GTF2H2: variants seen among roughly 807,000 people sequenced by gnomAD.
GTF2H2 encodes the protein general transcription factor IIH subunit 2.
In GTF2H2, 2 loss-of-function variants were observed where a neutral mutation model predicts 16.5. That is an observed-to-expected ratio of 0.12 (90% confidence interval 0.05 to 0.38). The LOEUF (loss-of-function observed/expected upper bound fraction) is 0.38. Among genes scored for constraint, GTF2H2 ranks in the 10% least tolerant of loss-of-function variants. GTF2H2 has a pLI of 0.99. For synonymous variants in GTF2H2, 8 were observed against 44.1 expected, an observed-to-expected ratio of 0.18 and a Z score of 3.24; for missense variants, 20 against 137.0, an observed-to-expected ratio of 0.15 and a Z score of 4.26.
At chr5:71,045,154 AT>A in intron 12 of GTF2H2, among the ~76,000 whole-genome samples, 1 of 96,694 alleles carries the variant, frequency 1.0e-5, no homozygotes, top group African/African-American at 5.0e-5. Flanking sequence ...AAAAAAAAAA[AT>A]TTCCCCCTCC....
intron 8 of GTF2H2, chr5:71,055,146 T>C (rs1408179033): frequency 2.4e-6 from 1 of 415,348 alleles, no homozygotes; most frequent in South Asian, 6.3e-5. Flanking sequence ...ATTATATTTT[T>C]ATAAAACCTT....
intron 1 of GTF2H2, among the ~76,000 whole-genome samples, chr5:71,063,343 T>C (rs1445250025): frequency 4.6e-4 from 27 of 59,142 alleles, no homozygotes; most frequent in African/African-American, 2.9e-3. Context: ...CTACCAACAG[T>C]GGATAAGCAT....
chr5:71,054,743 GTGTGTGTGTA>G lies in GTF2H2; in HGVS notation c.470+599_470+608del, dbSNP rs1255951158. Among the ~76,000 whole-genome samples, 25 of 133,136 alleles carry G rather than the reference GTGTGTGTGTA, an allele frequency of 1.9e-4. 2 individuals carry two copies. Among genetic ancestry groups the G allele is most frequent in the East Asian group, 4.0e-4 (2 of 4,966 alleles). 87.3% of individuals were successfully genotyped at this position (133,136 alleles called of 152,430 possible). On this transcript the variant is annotated intron_variant, in intron 8 of 15. Transcript: ENST00000274400. ...TGTGTGTGTGTGTGTGTGTGTGTGT[GTGTGTGTGTA>G]TATATATAATAGATATATAAGCTTT...
chr5:71,038,339 A>G (rs1751865680), intron 14 of GTF2H2, among the ~76,000 whole-genome samples: 1 of 67,530 alleles, frequency 1.5e-5, no homozygotes, highest in Middle Eastern at 5.2e-3. Context: ...CAATCCTCCT[A>G]TCTTGGCTTC....
At chr5:71,053,939 G>A (rs1752973449) in intron 8 of GTF2H2, among the ~76,000 whole-genome samples, 1 of 126,276 alleles carries the variant, frequency 7.9e-6, no homozygotes, top group South Asian at 2.5e-4. Context: ...CACGTCCTGG[G>A]CAGGACAGAG....
intron 8 of GTF2H2, among the ~76,000 whole-genome samples, chr5:71,054,814 TTATATA>T (rs1170356408): frequency 7.4e-6 from 1 of 134,254 alleles, no homozygotes; most frequent in Admixed American, 7.6e-5. Context: ...TATATAAGCT[TTATATA>T]TATATGTATA....
chr5:71,045,895 A>G (rs530430548), intron 11 of GTF2H2, among the ~76,000 whole-genome samples: 1 of 141,450 alleles, frequency 7.1e-6, no homozygotes, highest in African/African-American at 2.8e-5. Context: ...CTGGGATTAC[A>G]GGCATCCGCC....
At chr5:71,057,494 C>T (rs1443567133) in intron 7 of GTF2H2, among the ~76,000 whole-genome samples, 3 of 136,390 alleles carry the variant, frequency 2.2e-5, no homozygotes, top group African/African-American at 8.4e-5. Context: ...AGTTTTTACT[C>T]ATCTGAGTAA....
chr5:71,051,165 T>G (rs1752681416), intron 8 of GTF2H2, among the ~76,000 whole-genome samples: 1 of 131,868 alleles, frequency 7.6e-6, no homozygotes, highest in African/African-American at 2.9e-5. Flanking sequence ...TATTTTGACC[T>G]CTTTCTATGA....
intron 7 of GTF2H2, among the ~76,000 whole-genome samples, chr5:71,056,500 G>A (rs2150193941): frequency 4.3e-5 from 2 of 46,748 alleles, no homozygotes; most frequent in East Asian, 9.2e-4. Context: ...ATGAAGGGGG[G>A]AGAAGCTGCC....
At chr5:71,052,915 A>ATTTTTTTTTTTTTTTTTTTTTTTTTTTT (rs1241503525) in intron 8 of GTF2H2, among the ~76,000 whole-genome samples, 1 of 44,052 alleles carries the variant, frequency 2.3e-5, no homozygotes, top group African/African-American at 1.2e-4. Context: ...TGCCTGGCTA[A>ATTTTTTTTTTTTTTTTTTTTTTTTTTTT]TTTTTTTTTT....
chr5:71,052,929 T>G (rs1752874958), intron 8 of GTF2H2, among the ~76,000 whole-genome samples: 1 of 105,588 alleles, frequency 9.5e-6, no homozygotes, highest in South Asian at 3.0e-4. Flanking sequence ...TTTTTTTTTT[T>G]TTTTTTTTTT....
At chr5:71,038,675 A>AT (rs1279652432) in intron 14 of GTF2H2, among the ~76,000 whole-genome samples, 5 of 22,154 alleles carry the variant, frequency 2.3e-4, no homozygotes, top group Non-Finnish European at 3.4e-4. Flanking sequence ...TATTTAAAAC[A>AT]TTTTTTTTTT....
At chr5:71,050,561 C>A (rs1752634702) in intron 8 of GTF2H2, among the ~76,000 whole-genome samples, 1 of 28,972 alleles carries the variant, frequency 3.5e-5, no homozygotes, top group Non-Finnish European at 5.5e-5. Context: ...TACTTTATTG[C>A]TAAAAATCGA....
intron 15 of GTF2H2, among the ~76,000 whole-genome samples, chr5:71,036,169 C>T (rs1340657845): frequency 1.6e-5 from 1 of 64,262 alleles, no homozygotes; most frequent in African/African-American, 6.2e-5. Flanking sequence ...AATTTAACAT[C>T]GATTTAATTA....
chr5:71,048,254 CTTAT>C lies in GTF2H2; in HGVS notation c.650-145_650-142del. On this transcript the variant is annotated intron_variant, in intron 10 of 15. Transcript: ENST00000274400. ...TTAGCTAAATTATCACTTTTAAAACCTTATTTAAGTAATATATCTAAATCAACTT... is the reference window on the plus strand; with the variant it reads ...TTAGCTAAATTATCACTTTTAAAACCTTAAGTAATATATCTAAATCAACTT... The C allele has an allele frequency of 1.6e-4, 25 of 153,334 alleles. 12 individuals are homozygous for C. The South Asian group carries it at 2.9e-3, about 18-fold the overall frequency. The allele number at this position is 153,334 out of a possible 1,614,324, so 9.5% of individuals were successfully genotyped here.
intron 7 of GTF2H2, chr5:71,058,205 A>C (rs2150202205): frequency 7.0e-6 from 1 of 143,246 alleles, no homozygotes; most frequent in East Asian, 2.0e-4. Context: ...CTTCTCAAAA[A>C]AAAAAAAAAA....
At chr5:71,054,306 C>A (rs1458840345) in intron 8 of GTF2H2, among the ~76,000 whole-genome samples, 1 of 146,138 alleles carries the variant, frequency 6.8e-6, no homozygotes, top group Non-Finnish European at 1.5e-5. Flanking sequence ...CTTCTCAGCT[C>A]TCACTGGTAG....
chr5:71,039,696 T>C (rs1424948669), intron 14 of GTF2H2, among the ~76,000 whole-genome samples: 3 of 137,896 alleles, frequency 2.2e-5, no homozygotes, highest in African/African-American at 8.5e-5. Flanking sequence ...TTCAACTCTA[T>C]CTTCTATAGT....
Sources: allele counts gnomAD v4.1 joint callset (sites outside exome capture counted in the v4.1 genomes callset), GRCh38; gene constraint gnomAD v4.1.1; transcripts MANE v1.5; gene names NCBI Gene and HGNC (gene_info 2026-07-23, HGNC 2026-07-21).